The following AP3B1 variants were observed in gnomAD, a reference collection of about 807,000 sequenced individuals.
AP3B1 encodes the protein AP-3 complex subunit beta-1.
In AP3B1, 61 loss-of-function variants were observed where a neutral mutation model predicts 132.5. The observed-to-expected ratio is 0.46, with a 90% CI of 0.37 to 0.57. The LOEUF is 0.57. Among genes scored for constraint, AP3B1 ranks in the 20% least tolerant of loss-of-function variants. The probability of loss-of-function intolerance (pLI) is 0.00; values close to 1 mark genes in which losing one functional copy is unlikely to be tolerated. For synonymous variants in AP3B1, 388 were observed against 438.3 expected (o/e 0.89, Z 1.43); for missense variants, 1,120 against 1,289.4 (o/e 0.87, Z 2.01).
Position 78,039,209 on chromosome 5 carries a change from T to A in AP3B1, c.2643A>T (p.Gly881=), listed in dbSNP as rs774705050. 1 of 1,614,182 alleles carries A rather than the reference T, an allele frequency of 6.2e-7. No individual in the cohort carries two copies. Among genetic ancestry groups the A allele is most frequent in the South Asian group, 1.1e-5 (1 of 91,082 alleles). Residue 881 remains glycine, a synonymous_variant, in exon 23 of 27, where the codon GGA becomes GGT. Transcript: ENST00000255194. The stretch of plus-strand genomic sequence containing the variant: ...TTGGAAAGAAATAATGGGCAGCTAG[T>A]CCTTTTCCACTCATTCGATGAAGCA... The part of the protein sequence containing the change: ...HVLLHRMSGK[G]LAAHYFFPRQ...
At chr5:78,247,854 G>T (rs994510954) in intron 2 of AP3B1, among the ~76,000 whole-genome samples, 30 of 152,050 alleles carry the variant, frequency 2.0e-4, no homozygotes, top group African/African-American at 5.8e-4. Flanking sequence ...TTAGATTCAG[G>T]TCTACCATTT....
At chr5:78,233,286 T>G (rs967820776) in intron 3 of AP3B1, among the ~76,000 whole-genome samples, 78 of 150,498 alleles carry the variant, frequency 5.2e-4, no homozygotes, top group African/African-American at 1.9e-3. Flanking sequence ...CAGGCTGGAG[T>G]GCAATGGCAT....
chr5:78,047,146 G>C (rs1341557226), intron 22 of AP3B1, among the ~76,000 whole-genome samples: 2 of 152,122 alleles, frequency 1.3e-5, no homozygotes, highest in Admixed American at 6.5e-5. Flanking sequence ...ATTGTAAATA[G>C]TGCTGCAATA....
At chr5:78,113,192 A>G (rs1751671769) in intron 19 of AP3B1, among the ~76,000 whole-genome samples, 1 of 152,222 alleles carries the variant, frequency 6.6e-6, no homozygotes, top group African/African-American at 2.4e-5. Context: ...CAGCGGGGAA[A>G]ACAGAGTTGC....
intron 7 of AP3B1, among the ~76,000 whole-genome samples, chr5:78,190,188 G>C (rs1410142527): frequency 1.3e-5 from 2 of 152,000 alleles, no homozygotes; most frequent in African/African-American, 4.8e-5. Flanking sequence ...AGCTAAAATA[G>C]TTCATGTTAA....
At chr5:78,178,133 A>C (rs1744226444) in intron 8 of AP3B1, among the ~76,000 whole-genome samples, 1 of 152,202 alleles carries the variant, frequency 6.6e-6, no homozygotes, top group African/African-American at 2.4e-5. Context: ...CTTTTTAAGA[A>C]TTATAAGCAT....
At chr5:78,071,041 A>G (rs1408884853) in intron 22 of AP3B1, among the ~76,000 whole-genome samples, 1 of 152,244 alleles carries the variant, frequency 6.6e-6, no homozygotes, top group African/African-American at 2.4e-5. Context: ...CATTTGACCC[A>G]CCAATCCCAT....
At chr5:78,128,969 A>AT in intron 16 of AP3B1, 152 bp downstream of exon 16, 1 of 656,446 alleles carries the variant, frequency 1.5e-6, no homozygotes, top group Non-Finnish European at 2.4e-6. Flanking sequence ...TTGAGAGCAG[A>AT]TGAATGAGTA....
intron 1 of AP3B1, among the ~76,000 whole-genome samples, chr5:78,280,093 A>G (rs2112582575): frequency 6.7e-6 from 1 of 149,456 alleles, no homozygotes; most frequent in South Asian, 2.1e-4. Context: ...AAAAAAGAAT[A>G]TATTTCAAGA....
At chr5:78,085,029 C>T (rs1750178901) in intron 22 of AP3B1, among the ~76,000 whole-genome samples, 2 of 150,328 alleles carry the variant, frequency 1.3e-5, no homozygotes, top group Admixed American at 1.3e-4. Context: ...TAGGTTTGAA[C>T]AACCATGCAC....
At chr5:78,134,149 C>CAA (rs397961933) in intron 15 of AP3B1, among the ~76,000 whole-genome samples, 3,515 of 74,144 alleles carry the variant, frequency 0.047, 133 homozygotes, top group East Asian at 0.2. Flanking sequence ...AGACTCGCCT[C>CAA]AAAAAAAAAA....
intron 9 of AP3B1, among the ~76,000 whole-genome samples, chr5:78,176,703 A>C (rs1744162283): frequency 6.6e-6 from 1 of 152,154 alleles, no homozygotes. Flanking sequence ...AAACTCAATA[A>C]ATTGTTTTGA....
chr5:78,175,789 T>C lies in AP3B1; in HGVS notation c.1090A>G (p.Arg364Gly). 6.2e-7 allele frequency: 1 copy of C among 1,612,520 alleles called. No homozygotes were observed. Among genetic ancestry groups the C allele is most frequent in the Non-Finnish European group, 8.5e-7 (1 of 1,179,078 alleles). ...CGTGTTCAGAACATACATACCTTTC[T>C]TTGAATTGACATAGTTGCTATATTT... is the stretch of plus-strand genomic sequence containing the variant. The part of the protein sequence containing the change: ...LQNIATMSIQ[R>G]KGMFEPYLKS... Residue 364 changes from arginine to glycine, a missense_variant, in exon 10 of 27, where the codon AGA becomes GGA. Physicochemically the swap from Arg to Gly is moderately radical, Grantham distance 125. This residue lies in a region of AP3B1 where 906 missense variants were observed against 997.1 expected (regional missense o/e 0.91). Coordinates refer to ENST00000255194, the MANE Select transcript of AP3B1 (RefSeq NM_003664.5).
chr5:78,066,551 C>T (rs1431103862), intron 22 of AP3B1, among the ~76,000 whole-genome samples: 8 of 151,996 alleles, frequency 5.3e-5, no homozygotes, highest in South Asian at 2.1e-4. Context: ...ACAGACCAAC[C>T]GGAGGAAAGA....
At chr5:78,118,498 C>T (rs895492153) in intron 17 of AP3B1, among the ~76,000 whole-genome samples, 9 of 152,196 alleles carry the variant, frequency 5.9e-5, no homozygotes, top group Non-Finnish European at 4.4e-5. Context: ...TTCCAACGGG[C>T]TTCAAAAACG....
chr5:78,003,401 G>T, intron 26 of AP3B1: 1 of 426,630 alleles, frequency 2.3e-6, no homozygotes, highest in Non-Finnish European at 3.1e-6. Flanking sequence ...ACCATGCATA[G>T]GGACATTTTA....
intron 3 of AP3B1, among the ~76,000 whole-genome samples, chr5:78,239,974 C>A (rs1747055317): frequency 6.6e-6 from 1 of 152,096 alleles, no homozygotes; most frequent in Non-Finnish European, 1.5e-5. Context: ...GAAAAAACTT[C>A]ACTACCAAAA....
chr5:78,107,032 A>G (rs1751367437), intron 20 of AP3B1, among the ~76,000 whole-genome samples: 1 of 152,196 alleles, frequency 6.6e-6, no homozygotes, highest in Admixed American at 6.5e-5. Context: ...CACAACAGGA[A>G]AAATTTAGAG....
intron 15 of AP3B1, among the ~76,000 whole-genome samples, chr5:78,138,485 A>T (rs918632761): frequency 6.6e-6 from 1 of 152,138 alleles, no homozygotes; most frequent in Non-Finnish European, 1.5e-5. Flanking sequence ...ACAAAAAACA[A>T]CTAATTTTCA....
Sources: gnomAD v4.1 joint callset for allele counts (sites outside exome capture counted in the v4.1 genomes callset) on GRCh38, gnomAD v4.1.1 for gene constraint, gnomAD v4.1.1 regional missense constraint, MANE v1.5 for transcripts, NCBI Gene and HGNC (gene_info 2026-07-23, HGNC 2026-07-21) for gene names.